RUNX1: variants seen among roughly 807,000 people sequenced by gnomAD.
RUNX1 encodes the protein RUNX family transcription factor 1.
Under a neutral mutation model 42.8 loss-of-function variants are expected in RUNX1, and 19 were observed. That is an observed-to-expected ratio of 0.44 (90% CI 0.31 to 0.65). RUNX1 has a LOEUF of 0.65. RUNX1 is among the 30% of genes least tolerant of loss of function. RUNX1 has a pLI of 0.07. For synonymous variants in RUNX1, 271 were observed against 289.4 expected, an observed-to-expected ratio of 0.94 and a Z score of 0.64; for missense variants, 528 against 672.0, an observed-to-expected ratio of 0.79 and a Z score of 2.37.
intron 5 of RUNX1, among the ~76,000 whole-genome samples, chr21:34,859,850 C>T (rs1326589134): frequency 6.6e-6 from 1 of 152,180 alleles, no homozygotes; most frequent in Non-Finnish European, 1.5e-5. Flanking sequence ...TCTGTTAAGT[C>T]AGGATTTCCG....
intron 5 of RUNX1, among the ~76,000 whole-genome samples, chr21:34,868,929 G>T (rs554065585): frequency 1.6e-4 from 24 of 152,274 alleles, no homozygotes; most frequent in African/African-American, 5.5e-4. Flanking sequence ...AATAAAACAG[G>T]AATAGGTACT....
At chr21:34,945,277 A>G (rs1210530881) in intron 2 of RUNX1, among the ~76,000 whole-genome samples, 1 of 152,234 alleles carries the variant, frequency 6.6e-6, no homozygotes, top group Non-Finnish European at 1.5e-5. Context: ...TTTCAAAAAT[A>G]AAACAATTCT....
intron 2 of RUNX1, among the ~76,000 whole-genome samples, chr21:35,042,716 T>C (rs1350412311): frequency 2.0e-5 from 3 of 152,086 alleles, no homozygotes; most frequent in Non-Finnish European, 2.9e-5. Context: ...GACCAAAACA[T>C]AGGAGTGTCC....
intron 2 of RUNX1, among the ~76,000 whole-genome samples, chr21:34,897,329 G>T (rs913602597): frequency 6.6e-6 from 1 of 152,146 alleles, no homozygotes; most frequent in Non-Finnish European, 1.5e-5. Flanking sequence ...CCTGCTAATT[G>T]TATACAGTAC....
At chr21:34,810,658 C>T (rs1340995263) in intron 7 of RUNX1, among the ~76,000 whole-genome samples, 1 of 152,132 alleles carries the variant, frequency 6.6e-6, no homozygotes. Context: ...GACTCAGTTT[C>T]CCCCCATAAG....
At position 34,874,610 on chromosome 21, in the gene RUNX1, C is replaced by CAAAAAAAAAA. The variant is rs59950735; in HGVS notation, c.508+5937_508+5946dup. On this transcript the variant is annotated intron_variant, in intron 5 of 8. Coordinates refer to ENST00000675419, the MANE Select transcript of RUNX1 (RefSeq NM_001754.5). The stretch of plus-strand genomic sequence containing the variant: ...AGGCAACAAGAGGGAAACTCTGTCT[C>CAAAAAAAAAA]AAAAAAAAAAAAAAAAAAAAAAAAA... Among the ~76,000 whole-genome samples, 27 of 25,300 alleles carry CAAAAAAAAAA rather than the reference C, an allele frequency of 1.1e-3. 3 individuals carry two copies. The highest frequency in any genetic ancestry group is 4.6e-3 in the African/African-American group (20 of 4,368). 16.6% of individuals were successfully genotyped at this position (25,300 alleles called of 152,430 possible).
At chr21:34,983,241 G>C (rs940117678) in intron 2 of RUNX1, among the ~76,000 whole-genome samples, 4 of 152,162 alleles carry the variant, frequency 2.6e-5, no homozygotes, top group Admixed American at 2.0e-4. Context: ...TTAGAAACTC[G>C]AATGGTGATG....
At chr21:35,001,134 C>T (rs2059038790) in intron 2 of RUNX1, among the ~76,000 whole-genome samples, 1 of 152,086 alleles carries the variant, frequency 6.6e-6, no homozygotes, top group Admixed American at 6.5e-5. Context: ...CAGTCACTCT[C>T]TTTACCGTCT....
intron 2 of RUNX1, among the ~76,000 whole-genome samples, chr21:35,025,425 TC>T (rs1182298474): frequency 6.6e-6 from 1 of 152,122 alleles, no homozygotes; most frequent in Non-Finnish European, 1.5e-5. Flanking sequence ...CCCCAGACGT[TC>T]CGATGCCCTG....
intron 6 of RUNX1, among the ~76,000 whole-genome samples, chr21:34,846,122 T>TG (rs2057311142): frequency 6.6e-6 from 1 of 151,624 alleles, no homozygotes; most frequent in Non-Finnish European, 1.5e-5. Flanking sequence ...CCAAGGTCTC[T>TG]GACCAGCCAG....
chr21:34,800,059 C>T (rs1464098774), intron 7 of RUNX1, among the ~76,000 whole-genome samples: 2 of 152,300 alleles, frequency 1.3e-5, no homozygotes, highest in East Asian at 3.9e-4. Context: ...GACTAGTTCA[C>T]AAACCCAGCA....
At chr21:34,991,874 C>A (rs1213612520) in intron 2 of RUNX1, among the ~76,000 whole-genome samples, 1 of 152,128 alleles carries the variant, frequency 6.6e-6, no homozygotes, top group African/African-American at 2.4e-5. Context: ...AAAAAACGGA[C>A]AGACAGAGGG....
chr21:34,912,983 C>A (rs1569101449), intron 2 of RUNX1, among the ~76,000 whole-genome samples: 1 of 152,146 alleles, frequency 6.6e-6, no homozygotes, highest in Non-Finnish European at 1.5e-5. Flanking sequence ...GTAATCCCAG[C>A]ACTTTGGGAG....
At chr21:34,939,119 G>A (rs1342861551) in intron 2 of RUNX1, among the ~76,000 whole-genome samples, 1 of 152,186 alleles carries the variant, frequency 6.6e-6, no homozygotes, top group Non-Finnish European at 1.5e-5. Context: ...CAAGTAAATG[G>A]TTGCTGTATC....
intron 2 of RUNX1, among the ~76,000 whole-genome samples, chr21:35,040,889 C>T (rs968623354): frequency 3.3e-5 from 5 of 151,898 alleles, no homozygotes; most frequent in Admixed American, 3.3e-4. Context: ...TTTAACATAA[C>T]CCCCATCTGG....
At chr21:34,900,484 T>A (rs747175161) in intron 2 of RUNX1, among the ~76,000 whole-genome samples, 1 of 152,230 alleles carries the variant, frequency 6.6e-6, no homozygotes, top group Non-Finnish European at 1.5e-5. Context: ...GTGTTTTCCC[T>A]CTGAGCTGTC....
chr21:34,870,988 C>T (rs1213592481), intron 5 of RUNX1, among the ~76,000 whole-genome samples: 1 of 152,034 alleles, frequency 6.6e-6, no homozygotes, highest in Non-Finnish European at 1.5e-5. Context: ...AACAAACAGT[C>T]CTGAACAGTC....
At chr21:35,011,551 G>A (rs1033334283) in intron 2 of RUNX1, among the ~76,000 whole-genome samples, 1 of 152,160 alleles carries the variant, frequency 6.6e-6, no homozygotes, top group Non-Finnish European at 1.5e-5. Context: ...ATAGGAAACC[G>A]AGGAGGGTAA....
chr21:34,909,588 C>CAA lies in RUNX1; in HGVS notation c.59-16627_59-16626dup, dbSNP rs10584066. Among the ~76,000 whole-genome samples the CAA allele has an allele frequency of 7.3e-4, 55 of 75,018 alleles. 2 individuals carry two copies. Among genetic ancestry groups the CAA allele is most frequent in the East Asian group, 3.3e-3 (9 of 2,756 alleles). The allele number at this position is 75,018 out of a possible 152,430, so 49.2% of individuals were successfully genotyped here. On this transcript the variant is annotated intron_variant, in intron 2 of 8. Coordinates refer to ENST00000675419, the MANE Select transcript of RUNX1 (RefSeq NM_001754.5). ...TTATACAGACCAGGTCACTGTTCCT[C>CAA]AAAAAAAAAAAAAAAAAAAAGATGG... is the stretch of plus-strand genomic sequence containing the variant.
Sources: gnomAD v4.1 joint callset for allele counts (sites outside exome capture counted in the v4.1 genomes callset) on GRCh38, gnomAD v4.1.1 for gene constraint, MANE v1.5 for transcripts, NCBI Gene and HGNC (gene_info 2026-07-23, HGNC 2026-07-21) for gene names.